RABGAP1L: variants seen among roughly 807,000 people sequenced by gnomAD.
The protein encoded by RABGAP1L is RAB GTPase activating protein 1 like.
Under a neutral mutation model 137.7 loss-of-function variants are expected in RABGAP1L, and 63 were observed. That is an observed-to-expected ratio of 0.46 (90% CI 0.37 to 0.56). The LOEUF (loss-of-function observed/expected upper bound fraction) is 0.56. RABGAP1L is among the 20% of genes least tolerant of loss of function. The probability of loss-of-function intolerance (pLI) is 0.00; values close to 1 mark genes in which losing one functional copy is unlikely to be tolerated. For synonymous variants in RABGAP1L, 431 were observed against 433.7 expected, an observed-to-expected ratio of 0.99 and a Z score of 0.08; for missense variants, 1,095 against 1,244.0, an observed-to-expected ratio of 0.88 and a Z score of 1.80.
chr1:174,986,481 C>T (rs1671602512), intron 24 of RABGAP1L, among the ~76,000 whole-genome samples: 1 of 152,194 alleles, frequency 6.6e-6, no homozygotes, highest in African/African-American at 2.4e-5. Flanking sequence ...AACTCAGGGT[C>T]TGTTAGTAAG....
intron 11 of RABGAP1L, among the ~76,000 whole-genome samples, chr1:174,355,996 G>A (rs1287885109): frequency 6.6e-6 from 1 of 152,126 alleles, no homozygotes; most frequent in Non-Finnish European, 1.5e-5. Context: ...TGTAGAACAA[G>A]TATAGTATTC....
At chr1:174,783,522 C>T (rs1373648501) in intron 18 of RABGAP1L, among the ~76,000 whole-genome samples, 1 of 152,084 alleles carries the variant, frequency 6.6e-6, no homozygotes, top group Non-Finnish European at 1.5e-5. Flanking sequence ...TGAGCTAGTT[C>T]TTTTTTGTAA....
At chr1:174,599,640 A>G (rs1406578020) in intron 13 of RABGAP1L, among the ~76,000 whole-genome samples, 1 of 152,150 alleles carries the variant, frequency 6.6e-6, no homozygotes, top group Non-Finnish European at 1.5e-5. Flanking sequence ...CACTTAAAAT[A>G]TGTCATGCCA....
At chr1:174,341,273 G>T (rs537393984) in intron 11 of RABGAP1L, among the ~76,000 whole-genome samples, 1 of 152,032 alleles carries the variant, frequency 6.6e-6, no homozygotes, top group South Asian at 2.1e-4. Context: ...GCCTCACTTC[G>T]CAACTCCCCA....
At chr1:174,634,194 A>T (rs1219009068) in intron 13 of RABGAP1L, among the ~76,000 whole-genome samples, 3 of 141,374 alleles carry the variant, frequency 2.1e-5, no homozygotes, top group Non-Finnish European at 4.6e-5. Flanking sequence ...ACAAGAAAAA[A>T]ACAAACAACC....
intron 1 of RABGAP1L, among the ~76,000 whole-genome samples, chr1:174,207,896 C>G (rs1313550503): frequency 6.6e-6 from 1 of 152,130 alleles, no homozygotes; most frequent in Non-Finnish European, 1.5e-5. Context: ...AAGAGTCTAA[C>G]TTGTAGTTGG....
chr1:174,247,931 G>T (rs780061649), intron 5 of RABGAP1L, among the ~76,000 whole-genome samples: 4 of 151,766 alleles, frequency 2.6e-5, no homozygotes, highest in African/African-American at 4.8e-5. Context: ...TAAACTCCCT[G>T]CTCCTTAAAA....
chr1:174,843,709 G>A (rs1693726072), intron 19 of RABGAP1L, among the ~76,000 whole-genome samples: 2 of 80,410 alleles, frequency 2.5e-5, no homozygotes, highest in Admixed American at 3.2e-4. Flanking sequence ...TGTCTTTATA[G>A]CAGCATGATT....
intron 13 of RABGAP1L, among the ~76,000 whole-genome samples, chr1:174,494,423 T>C (rs1489760027): frequency 1.3e-5 from 2 of 152,208 alleles, no homozygotes; most frequent in African/African-American, 4.8e-5. Context: ...AGGGAAAAGT[T>C]TTCCTTGGAG....
intron 13 of RABGAP1L, among the ~76,000 whole-genome samples, chr1:174,635,180 C>T (rs1402063151): frequency 6.6e-6 from 1 of 152,076 alleles, no homozygotes; most frequent in Non-Finnish European, 1.5e-5. Context: ...CATTTAAACA[C>T]AGCATAATGC....
At chr1:174,613,007 G>A (rs555041041) in intron 13 of RABGAP1L, among the ~76,000 whole-genome samples, 6 of 151,504 alleles carry the variant, frequency 4.0e-5, no homozygotes, top group Non-Finnish European at 5.9e-5. Context: ...CAAAAAACCA[G>A]GTCCTAGATT....
At chr1:174,907,869 C>A (rs1050410341) in intron 19 of RABGAP1L, among the ~76,000 whole-genome samples, 3 of 152,174 alleles carry the variant, frequency 2.0e-5, no homozygotes, top group African/African-American at 7.2e-5. Flanking sequence ...AAAAGCCATA[C>A]AGTGGCTGAA....
chr1:174,508,245 CATT>C (rs1662014154), intron 13 of RABGAP1L, among the ~76,000 whole-genome samples: 1 of 152,048 alleles, frequency 6.6e-6, no homozygotes, highest in African/African-American at 2.4e-5. Context: ...GTTATCGACT[CATT>C]GTTATTTTTT....
chr1:174,277,289 A>C (rs1181119993), intron 9 of RABGAP1L, among the ~76,000 whole-genome samples: 1 of 152,060 alleles, frequency 6.6e-6, no homozygotes, highest in Non-Finnish European at 1.5e-5. Flanking sequence ...TTCTGGAGAC[A>C]GGCTTGCAAA....
chr1:174,514,831 C>T (rs910172166), intron 13 of RABGAP1L, among the ~76,000 whole-genome samples: 6 of 152,226 alleles, frequency 3.9e-5, no homozygotes, highest in Admixed American at 3.3e-4. Flanking sequence ...CAGTCTGTTG[C>T]AGTACTTCTC....
At chr1:174,754,228 T>G (rs928771066) in intron 18 of RABGAP1L, among the ~76,000 whole-genome samples, 1 of 152,186 alleles carries the variant, frequency 6.6e-6, no homozygotes, top group Non-Finnish European at 1.5e-5. Context: ...TTCTCACCAC[T>G]AGTGCCCTAT....
At chr1:174,895,503 T>C (rs1656993681) in intron 19 of RABGAP1L, among the ~76,000 whole-genome samples, 1 of 152,100 alleles carries the variant, frequency 6.6e-6, no homozygotes, top group African/African-American at 2.4e-5. Context: ...GCAGGTTTGT[T>C]ACATATGTAT....
intron 17 of RABGAP1L, among the ~76,000 whole-genome samples, chr1:174,715,888 T>G (rs1680961515): frequency 6.6e-6 from 1 of 152,202 alleles, no homozygotes; most frequent in African/African-American, 2.4e-5. Flanking sequence ...GGTATTCTTT[T>G]CCAGCTGCAC....
chr1:174,564,216 T>C (rs982904700), intron 13 of RABGAP1L, among the ~76,000 whole-genome samples: 1 of 152,224 alleles, frequency 6.6e-6, no homozygotes, highest in African/African-American at 2.4e-5. Context: ...TTTTTCTTTT[T>C]GGAAAACCAC....
Sources: allele counts gnomAD v4.1 joint callset (sites outside exome capture counted in the v4.1 genomes callset), GRCh38; gene constraint gnomAD v4.1.1; transcripts MANE v1.5; gene names NCBI Gene and HGNC (gene_info 2026-07-23, HGNC 2026-07-21).